The following NAA30 variants were observed in gnomAD, a reference collection of about 807,000 sequenced individuals.
NAA30 encodes the protein N-alpha-acetyltransferase 30, NatC catalytic subunit, also known as N-alpha-acetyltransferase 30.
NAA30 carries 5 observed loss-of-function variants against 31.4 expected under a neutral mutation model. The ratio of observed to expected loss-of-function variants is 0.16; its 90% CI spans 0.08 to 0.33. NAA30 has a LOEUF of 0.33. Among genes scored for constraint, NAA30 ranks in the 10% least tolerant of loss-of-function variants. NAA30 has a pLI of 1.00. For synonymous variants in NAA30, 222 were observed against 207.1 expected, an observed-to-expected ratio of 1.07 and a Z score of -0.62; for missense variants, 428 against 490.8, an observed-to-expected ratio of 0.87 and a Z score of 1.21.
rs1566553234 is a variant in NAA30, at chr14:57,414,632, G to A, written c.*5116G>A. 6.6e-6 allele frequency: 1 copy of A among 152,220 alleles called. No homozygotes were observed. Among genetic ancestry groups the A allele is most frequent in the Non-Finnish European group, 1.5e-5 (1 of 68,040 alleles). 9.4% of individuals were successfully genotyped at this position (152,220 alleles called of 1,614,324 possible). On this transcript the variant is annotated 3_prime_UTR_variant, in exon 5 of 5. Coordinates refer to ENST00000556492, the MANE Select transcript of NAA30 (RefSeq NM_001011713.3). The stretch of plus-strand genomic sequence containing the variant: ...ACCTCCAAGATCCACTTATGGGGAT[G>A]AGGCCAAAGGCCAATGTTACTTCTA...
In NAA30 at chr14:57,391,473, C is replaced by T. The variant is rs1403069153; in HGVS notation, c.516C>T (p.Gly172=). 1 of 1,611,886 alleles carries T rather than the reference C, an allele frequency of 6.2e-7. No homozygotes were observed. The part of the protein sequence containing the change: ...PAAARNGLAE[G]TEQEEEEEDE... ...CGGCCCGCAATGGACTGGCCGAGGG[C>T]ACCGAGCAGGAGGAGGAGGAGGAAG... The change falls in exon 2 of 5, where the codon GGC becomes GGT. Residue 172 remains glycine (G), a synonymous_variant. Coordinates refer to ENST00000556492, the MANE Select transcript of NAA30 (RefSeq NM_001011713.3). The surrounding 1 kb of genome is among the most constrained non-coding windows in gnomAD (Gnocchi z 4.1).
rs1302817314 is a variant in NAA30 at position 57,391,346 on chromosome 14, C to T, written c.389C>T (p.Ala130Val). 1.2e-6 allele frequency: 2 copies of T among 1,611,860 alleles called. No individual in the cohort carries two copies. Among genetic ancestry groups the T allele is most frequent in the South Asian group, 1.1e-5 (1 of 91,000 alleles). Residue 130 changes from alanine (A) to valine (V), a missense_variant, in exon 2 of 5, where the codon GCC becomes GTC. This residue lies in a region of NAA30 where 349 missense variants were observed against 310.4 expected (regional missense o/e 1.12). Transcript: ENST00000556492. The surrounding 1 kb of genome is among the most constrained non-coding windows in gnomAD (Gnocchi z 4.1). ...GGPRATATKG[A>V]GVHSGERPPH... ...CCCAGAGCGACTGCAACAAAAGGAG[C>T]CGGGGTACACTCGGGCGAGAGGCCC...
chr14:57,404,340 A>G (rs1377196773), intron 4 of NAA30, among the ~76,000 whole-genome samples: 1 of 152,156 alleles, frequency 6.6e-6, no homozygotes, highest in Admixed American at 6.5e-5. Flanking sequence ...ACACAAAAAG[A>G]GTTTTTAGGT....
At chr14:57,403,917 A>G (rs2066487710) in intron 4 of NAA30, among the ~76,000 whole-genome samples, 1 of 152,242 alleles carries the variant, frequency 6.6e-6, no homozygotes, top group Non-Finnish European at 1.5e-5. Context: ...GATCAGTATC[A>G]GTATGATGAA....
intron 3 of NAA30, 39 bp from the exon 4 acceptor site, chr14:57,399,789 T>C (rs774365960): frequency 1.9e-6 from 2 of 1,027,022 alleles, no homozygotes; most frequent in Non-Finnish European, 3.0e-6. Context: ...CTTTAAGAAA[T>C]ACATTTTTCC....
At chr14:57,395,209 C>T (rs1016242607) in intron 2 of NAA30, among the ~76,000 whole-genome samples, 3 of 151,998 alleles carry the variant, frequency 2.0e-5, no homozygotes, top group South Asian at 2.1e-4. Flanking sequence ...AATGAATTAG[C>T]GTGGGTTGTT....
In NAA30 at chr14:57,405,421, G is replaced by GTATATATA. The variant is rs57769501; in HGVS notation, c.952-3949_952-3942dup. ...ATGTATTTACTAATAATATATATGT[G>GTATATATA]TATATATATATATATAAAACATCTT... On this transcript the variant is annotated intron_variant, in intron 4 of 4. Coordinates refer to ENST00000556492, the MANE Select transcript of NAA30 (RefSeq NM_001011713.3). 8.7e-5 allele frequency among the ~76,000 whole-genome samples: 13 copies of GTATATATA among 149,148 alleles called. No homozygotes were observed. In the East Asian group the frequency reaches 1.4e-3, roughly 16 times the overall value.
intron 3 of NAA30, among the ~76,000 whole-genome samples, 185 bp downstream of exon 3, chr14:57,397,060 TTTA>T (rs1441352203): frequency 6.6e-6 from 1 of 152,254 alleles, no homozygotes; most frequent in Admixed American, 6.5e-5. Flanking sequence ...GAATTTTTTC[TTTA>T]TTAATGTTTT....
At chr14:57,392,737 C>T (rs1285913431) in intron 2 of NAA30, among the ~76,000 whole-genome samples, 3 of 152,164 alleles carry the variant, frequency 2.0e-5, no homozygotes, top group Non-Finnish European at 4.4e-5. Context: ...AAGGGAAAAG[C>T]CACCATTACT....
intron 3 of NAA30, among the ~76,000 whole-genome samples, chr14:57,398,751 G>A (rs148596745): frequency 0.019 from 2,956 of 152,064 alleles, 82 homozygotes; most frequent in African/African-American, 0.06. Context: ...TCCTGCCTCC[G>A]CCTCCCAAGT....
At chr14:57,390,849 T>G (rs2066423316) in intron 1 of NAA30, 108 bp from the exon 2 acceptor site, 1 of 1,122,870 alleles carries the variant, frequency 8.9e-7, no homozygotes, top group South Asian at 2.1e-5. Flanking sequence ...AGGGACGGTT[T>G]CTGCCTTTGT....
chr14:57,406,305 G>A (rs2066497968), intron 4 of NAA30, among the ~76,000 whole-genome samples: 1 of 152,152 alleles, frequency 6.6e-6, no homozygotes, highest in South Asian at 2.1e-4. Flanking sequence ...GGTAGCCTCA[G>A]ATGTGTTTGG....
At chr14:57,405,030 T>C (rs190821094) in intron 4 of NAA30, among the ~76,000 whole-genome samples, 1 of 152,316 alleles carries the variant, frequency 6.6e-6, no homozygotes, top group Admixed American at 6.5e-5. Flanking sequence ...CCATGTAACT[T>C]GCGGCAGACT....
chr14:57,405,498 C>A (rs2066495153), intron 4 of NAA30, among the ~76,000 whole-genome samples: 1 of 151,806 alleles, frequency 6.6e-6, no homozygotes, highest in Non-Finnish European at 1.5e-5. Context: ...AGGTAAAGAA[C>A]AGAATACAGT....
rs890803089 is a variant in NAA30 at position 57,391,518 on chromosome 14, G to C, written c.561G>C (p.Leu187=). 1 of 1,613,548 alleles carries C rather than the reference G, an allele frequency of 6.2e-7. No individual in the cohort carries two copies. The highest frequency in any genetic ancestry group is 8.5e-7 in the Non-Finnish European group (1 of 1,179,952). ...EEEEDEQVRL[L]SSSLTADCSL... Reference sequence around the variant, plus strand: ...AGGAAGACGAGCAGGTGCGGCTGCTGTCTTCGTCCCTGACCGCCGACTGCA... The same window carrying C: ...AGGAAGACGAGCAGGTGCGGCTGCTCTCTTCGTCCCTGACCGCCGACTGCA... Residue 187 remains leucine (L), a synonymous_variant, in exon 2 of 5, where the codon CTG becomes CTC. Coordinates refer to ENST00000556492, the MANE Select transcript of NAA30 (RefSeq NM_001011713.3). This position sits in a 1 kb window ranked among gnomAD's most constrained non-coding sequence, Gnocchi z 4.1.
chr14:57,409,335 A>C (rs760738220), intron 4 of NAA30, 44 bp from the exon 5 acceptor site: 120 of 1,452,328 alleles, frequency 8.3e-5, no homozygotes, highest in Non-Finnish European at 1.1e-4. Context: ...ATTATTTTTT[A>C]AATTGTGTAA....
intron 4 of NAA30, among the ~76,000 whole-genome samples, chr14:57,403,662 C>T (rs1413195297): frequency 6.6e-6 from 1 of 152,156 alleles, no homozygotes; most frequent in African/African-American, 2.4e-5. Flanking sequence ...GTATGCTGAT[C>T]TGGCTTAAAT....
intron 4 of NAA30, among the ~76,000 whole-genome samples, chr14:57,405,305 C>A (rs956334859): frequency 1.3e-5 from 2 of 151,760 alleles, no homozygotes; most frequent in Non-Finnish European, 2.9e-5. Context: ...TTAGAAAAGT[C>A]CAACTTAGAA....
At chr14:57,399,473 C>T (rs1477571238) in intron 3 of NAA30, among the ~76,000 whole-genome samples, 1 of 152,182 alleles carries the variant, frequency 6.6e-6, no homozygotes, top group African/African-American at 2.4e-5. Context: ...GGCCAACTCA[C>T]GGGGAGTTCC....
Sources: allele counts gnomAD v4.1 joint callset (sites outside exome capture counted in the v4.1 genomes callset), GRCh38; gene constraint gnomAD v4.1.1; regional missense constraint gnomAD v4.1.1; non-coding constraint Gnocchi (gnomAD v3.1); transcripts MANE v1.5; gene names NCBI Gene and HGNC (gene_info 2026-07-23, HGNC 2026-07-21).